The following ADAMTSL3 variants were observed in gnomAD, a reference collection of about 807,000 sequenced individuals.
ADAMTSL3 encodes ADAMTS-like protein 3.
A neutral mutation model predicts 201.7 loss-of-function variants in ADAMTSL3; 128 were observed. The observed-to-expected ratio is 0.63, with a 90% CI of 0.55 to 0.73. The LOEUF is 0.73. Ranked by LOEUF, ADAMTSL3 falls within the 30% of genes least tolerant of loss-of-function variation. ADAMTSL3 has a pLI of 0.00. For missense variants in ADAMTSL3, 1,990 were observed against 2,119.6 expected (o/e 0.94, Z 1.20); for synonymous variants, 738 against 748.4 (o/e 0.99, Z 0.23).
intron 5 of ADAMTSL3, among the ~76,000 whole-genome samples, chr15:83,818,568 C>T (rs1049803631): frequency 5.3e-5 from 8 of 152,192 alleles, no homozygotes; most frequent in African/African-American, 7.2e-5. Flanking sequence ...CTCAGGTGAT[C>T]GGCCCGCCTC....
chr15:83,868,975 C>G (rs1465260876), intron 8 of ADAMTSL3, among the ~76,000 whole-genome samples: 5 of 152,122 alleles, frequency 3.3e-5, no homozygotes, highest in Admixed American at 2.0e-4. Context: ...ACCCCTTGCC[C>G]CAATTCTGCA....
At chr15:83,874,973 C>A (rs1269319176) in intron 9 of ADAMTSL3, among the ~76,000 whole-genome samples, 1 of 145,328 alleles carries the variant, frequency 6.9e-6, no homozygotes, top group Non-Finnish European at 1.5e-5. Flanking sequence ...CACAGTAGAC[C>A]TTTTACCACC....
At chr15:83,698,137 A>G (rs943341087) in intron 2 of ADAMTSL3, among the ~76,000 whole-genome samples, 1 of 152,184 alleles carries the variant, frequency 6.6e-6, no homozygotes, top group Non-Finnish European at 1.5e-5. Flanking sequence ...CAAGGATTTT[A>G]GGAGCTCTAT....
At chr15:83,744,078 C>T (rs1310021371) in intron 3 of ADAMTSL3, among the ~76,000 whole-genome samples, 1 of 152,132 alleles carries the variant, frequency 6.6e-6, no homozygotes, top group Non-Finnish European at 1.5e-5. Context: ...TCTCGATCTC[C>T]TGACCTCGTG....
intron 6 of ADAMTSL3, among the ~76,000 whole-genome samples, chr15:83,830,063 G>C (rs1426498153): frequency 6.6e-6 from 1 of 152,114 alleles, no homozygotes; most frequent in African/African-American, 2.4e-5. Context: ...TGGATGTGGG[G>C]AGTGAGAGAA....
intron 3 of ADAMTSL3, among the ~76,000 whole-genome samples, chr15:83,756,679 C>T (rs1222102841): frequency 6.7e-6 from 1 of 148,272 alleles, no homozygotes; most frequent in African/African-American, 2.4e-5. Flanking sequence ...TAACTCATTT[C>T]AGCATTAACT....
At chr15:83,882,133 G>A (rs1209579474) in intron 9 of ADAMTSL3, among the ~76,000 whole-genome samples, 1 of 152,164 alleles carries the variant, frequency 6.6e-6, no homozygotes, top group African/African-American at 2.4e-5. Flanking sequence ...TCCAGCCTGG[G>A]CGACAGAGCG....
intron 28 of ADAMTSL3, among the ~76,000 whole-genome samples, chr15:84,032,404 T>G (rs774820294): frequency 3.7e-4 from 56 of 152,322 alleles, no homozygotes; most frequent in Non-Finnish European, 3.1e-4. Flanking sequence ...CAAAGTGATT[T>G]CAAGCCAAAA....
At chr15:83,728,823 G>A (rs892053044) in intron 3 of ADAMTSL3, among the ~76,000 whole-genome samples, 1 of 151,976 alleles carries the variant, frequency 6.6e-6, no homozygotes, top group African/African-American at 2.4e-5. Flanking sequence ...GTGTTTTTCT[G>A]TGTAGCTACT....
intron 19 of ADAMTSL3, chr15:83,962,155 T>A (rs1406966854): frequency 2.0e-5 from 3 of 152,208 alleles, no homozygotes; most frequent in African/African-American, 7.2e-5. Context: ...TCATTCTCTC[T>A]TGCCTGCTGC....
At chr15:83,749,319 C>T (rs543971799) in intron 3 of ADAMTSL3, among the ~76,000 whole-genome samples, 15 of 152,144 alleles carry the variant, frequency 9.9e-5, no homozygotes, top group African/African-American at 3.6e-4. Context: ...CTTCCTGCAA[C>T]TAAGTCAACC....
At chr15:83,673,586 G>A (rs1479207342) in intron 2 of ADAMTSL3, among the ~76,000 whole-genome samples, 2 of 152,186 alleles carry the variant, frequency 1.3e-5, no homozygotes, top group East Asian at 1.9e-4. Context: ...CAGCCCTGGG[G>A]TAGTGTCCTA....
intron 3 of ADAMTSL3, among the ~76,000 whole-genome samples, chr15:83,713,334 ATG>A (rs1269291034): frequency 2.0e-5 from 3 of 152,144 alleles, no homozygotes; most frequent in African/African-American, 7.2e-5. Flanking sequence ...CTGCGACTGA[ATG>A]TGTGTTTTTC....
At position 83,988,883 on chromosome 15, in the gene ADAMTSL3, A is replaced by T. The variant is rs867831447; in HGVS notation, c.3844+65A>T. ...ATTTTTTATTTTTATTTATTTATTT[A>T]TTTATTTTTTTTTTTTGAGACAGAG... On this transcript the variant is annotated intron_variant, in intron 22 of 29. Transcript: ENST00000286744. The T allele has an allele frequency of 3.8e-3, 3,916 of 1,021,684 alleles. 11 individuals are homozygous for T. Among genetic ancestry groups the T allele is most frequent in the Non-Finnish European group, 4.4e-3 (3,614 of 813,078 alleles). 63.3% of individuals were successfully genotyped at this position (1,021,684 alleles called of 1,614,324 possible). A position where few individuals can be genotyped will look rare whatever the true frequency, so the allele number is the denominator to read the frequency against.
intron 19 of ADAMTSL3, among the ~76,000 whole-genome samples, chr15:83,955,298 C>CA (rs1242632150): frequency 3.9e-5 from 6 of 152,176 alleles, no homozygotes; most frequent in African/African-American, 1.4e-4. Context: ...TGGCCATCAT[C>CA]ATCAGCAGTC....
At chr15:84,015,239 C>T (rs1170429797) in intron 24 of ADAMTSL3, among the ~76,000 whole-genome samples, 1 of 151,996 alleles carries the variant, frequency 6.6e-6, no homozygotes, top group African/African-American at 2.4e-5. Flanking sequence ...CCACTGCGCC[C>T]GGTCAGATGT....
chr15:83,821,716 A>G (rs1264384661), intron 6 of ADAMTSL3, among the ~76,000 whole-genome samples: 1 of 151,944 alleles, frequency 6.6e-6, no homozygotes, highest in Non-Finnish European at 1.5e-5. Context: ...ATTCCACAAA[A>G]CCGCCGTTGT....
At chr15:83,822,669 G>A (rs2063908738) in intron 6 of ADAMTSL3, among the ~76,000 whole-genome samples, 1 of 150,828 alleles carries the variant, frequency 6.6e-6, no homozygotes, top group African/African-American at 2.4e-5. Context: ...TCACTTCCTA[G>A]ATGGGATGGC....
At chr15:83,698,803 G>A (rs752148755) in intron 2 of ADAMTSL3, among the ~76,000 whole-genome samples, 2 of 152,080 alleles carry the variant, frequency 1.3e-5, no homozygotes, top group African/African-American at 2.4e-5. Flanking sequence ...CAAAGTCAAC[G>A]TTGACTTCCC....
Sources: allele counts gnomAD v4.1 joint callset (sites outside exome capture counted in the v4.1 genomes callset), GRCh38; gene constraint gnomAD v4.1.1; transcripts MANE v1.5; gene names NCBI Gene and HGNC (gene_info 2026-07-23, HGNC 2026-07-21).